Variants in CCL24 observed in about 807,000 individuals in gnomAD.
CCL24 encodes C-C motif chemokine 24.
In CCL24, 6 loss-of-function variants were observed where a neutral mutation model predicts 8.6. The ratio of observed to expected loss-of-function variants is 0.70; its 90% CI spans 0.38 to 1.38. The LOEUF is 1.38. Among genes scored for constraint, CCL24 ranks in the 40% most tolerant of loss-of-function variants. CCL24 has a pLI of 0.02. For missense variants in CCL24, 126 were observed against 147.1 expected (o/e 0.86, Z 0.74); for synonymous variants, 59 against 52.7 (o/e 1.12, Z -0.52).
chr7:75,820,074 TTCTTCTTCTTCTTCC>T (rs1431015387), intron 1 of CCL24, among the ~76,000 whole-genome samples: 5 of 139,014 alleles, frequency 3.6e-5, no homozygotes, highest in Non-Finnish European at 6.3e-5. Context: ...CTTCTTCTTC[TTCTTCTTCTTCTTCC>T]TCTTCTTCTT....
At chr7:75,812,756 C>T (rs1803795250) in intron 2 of CCL24, among the ~76,000 whole-genome samples, 1 of 151,926 alleles carries the variant, frequency 6.6e-6, no homozygotes, top group Non-Finnish European at 1.5e-5. Flanking sequence ...ATGGTGAAAC[C>T]CTGTCTCTCC....
chr7:75,817,013 C>T (rs146135340), upstream of CCL24, among the ~76,000 whole-genome samples: 13 of 152,120 alleles, frequency 8.5e-5, no homozygotes, highest in East Asian at 5.8e-4. Context: ...TACAGGTGCA[C>T]GCCACCATGC....
rs2115782450 is a variant in CCL24 at position 75,813,761 on chromosome 7, C to T, written c.-46G>A. On this transcript the variant is annotated 5_prime_UTR_variant, in exon 1 of 3. Coordinates refer to ENST00000222902, the MANE Select transcript of CCL24 (RefSeq NM_002991.3). ...CAGCTCGGGGCTCAAAGCTGACGTGCAGGAGGAAAGGACCTAGGGATAAAT... is the reference window on the plus strand; with the variant it reads ...CAGCTCGGGGCTCAAAGCTGACGTGTAGGAGGAAAGGACCTAGGGATAAAT... The T allele has an allele frequency of 6.6e-7, 1 of 1,524,832 alleles. No homozygotes were observed. The highest frequency in any genetic ancestry group is 1.4e-5 in the African/African-American group (1 of 73,210). 94.5% of individuals were successfully genotyped at this position (1,524,832 alleles called of 1,614,324 possible).
chr7:75,822,516 T>C (rs1359539060), intron 1 of CCL24, among the ~76,000 whole-genome samples: 3 of 152,130 alleles, frequency 2.0e-5, no homozygotes, highest in African/African-American at 7.2e-5. Context: ...TATCCTCTTA[T>C]TGTCCCCATG....
upstream of CCL24, among the ~76,000 whole-genome samples, chr7:75,816,864 A>C (rs1803903583): frequency 2.2e-5 from 2 of 89,210 alleles, no homozygotes. Context: ...ACCTGGCCAA[A>C]AAAAAAAAAA....
At chr7:75,812,539 A>G (rs1386581228) in intron 2 of CCL24, among the ~76,000 whole-genome samples, 1 of 152,188 alleles carries the variant, frequency 6.6e-6, no homozygotes, top group Non-Finnish European at 1.5e-5. Flanking sequence ...AAATGGGAAC[A>G]ATCATCGCTA....
chr7:75,818,908 C>T (rs1178870024), intron 1 of CCL24, among the ~76,000 whole-genome samples: 1 of 151,790 alleles, frequency 6.6e-6, no homozygotes, highest in Non-Finnish European at 1.5e-5. Flanking sequence ...TTGTTATGGT[C>T]ACCCTCTTTA....
In CCL24 at chr7:75,819,289, AAAAAAAAAAAAAAAATATATAT is replaced by A. The variant is rs1269313827; in HGVS notation, c.-60+4011_-60+4032del. Reference sequence around the variant, plus strand: ...GTCTCAAAAAAAAAAAAAAAAAAAAAAAAAAAAAAAAAAAATATATATATATATATATATATATATATATATA... The same window carrying A: ...GTCTCAAAAAAAAAAAAAAAAAAAAAATATATATATATATATATATATATA... On this transcript the variant is annotated intron_variant, in intron 1 of 3. Coordinates refer to the CCL24 transcript ENST00000416943. Among the ~76,000 whole-genome samples, 13 of 22,442 alleles carry A rather than the reference AAAAAAAAAAAAAAAATATATAT, an allele frequency of 5.8e-4. No homozygotes were observed. In the East Asian group the frequency reaches 0.01, roughly 18 times the overall value. The allele number at this position is 22,442 out of a possible 152,430, so 14.7% of individuals were successfully genotyped here.
chr7:75,820,015 ACTACTTCTTCTTCTTCTT>A (rs1803991182), intron 1 of CCL24, among the ~76,000 whole-genome samples: 9 of 84,468 alleles, frequency 1.1e-4, no homozygotes, highest in Middle Eastern at 9.1e-3. Context: ...CTTTTAGTAA[ACTACTTCTTCTTCTTCTT>A]CTTCTTCTTC....
chr7:75,815,046 G>C (rs1217548121), upstream of CCL24, among the ~76,000 whole-genome samples: 1 of 151,960 alleles, frequency 6.6e-6, no homozygotes, highest in East Asian at 1.9e-4. Context: ...GGAAACATAG[G>C]AGAAACCAGG....
chr7:75,819,967 T>C lies in CCL24; in HGVS notation c.-60+3355A>G, dbSNP rs115954725. On this transcript the variant is annotated intron_variant, in intron 1 of 3. Coordinates refer to the CCL24 transcript ENST00000416943. Reference sequence around the variant, plus strand: ...AGGCCACTTTTTACCCATGATCTCATGTGATTCTAGAATCCTAGAAAGTTA... The same window carrying C: ...AGGCCACTTTTTACCCATGATCTCACGTGATTCTAGAATCCTAGAAAGTTA... 5.0e-3 allele frequency among the ~76,000 whole-genome samples: 756 copies of C among 152,140 alleles called. 6 individuals are homozygous for C. The highest frequency in any genetic ancestry group is 0.017 in the African/African-American group (693 of 41,512).
upstream of CCL24, among the ~76,000 whole-genome samples, chr7:75,817,987 T>A (rs781878609): frequency 6.6e-6 from 1 of 151,858 alleles, no homozygotes; most frequent in Non-Finnish European, 1.5e-5. Flanking sequence ...CACACCACCA[T>A]GCCTGGCTAA....
upstream of CCL24, among the ~76,000 whole-genome samples, chr7:75,816,360 C>T (rs1803890861): frequency 6.6e-6 from 1 of 152,012 alleles, no homozygotes; most frequent in Non-Finnish European, 1.5e-5. Flanking sequence ...ATCTCACTGC[C>T]TATGCTTACA....
intron 1 of CCL24, among the ~76,000 whole-genome samples, chr7:75,820,638 C>A (rs1290674610): frequency 1.4e-5 from 2 of 141,806 alleles, no homozygotes; most frequent in Non-Finnish European, 3.1e-5. Flanking sequence ...CCCACCCACC[C>A]ATCTACCCAC....
At chr7:75,819,584 A>T (rs1039723715) in intron 1 of CCL24, among the ~76,000 whole-genome samples, 1 of 151,182 alleles carries the variant, frequency 6.6e-6, no homozygotes, top group Non-Finnish European at 1.5e-5. Context: ...GTAACATAAC[A>T]TATCCCCATC....
At chr7:75,814,723 C>T (rs1803851267), upstream of CCL24, among the ~76,000 whole-genome samples, 1 of 152,018 alleles carries the variant, frequency 6.6e-6, no homozygotes, top group Admixed American at 6.6e-5. Context: ...ACTTAGTCAC[C>T]AAGATTCTAG....
At chr7:75,821,555 T>G (rs1469944792) in intron 1 of CCL24, among the ~76,000 whole-genome samples, 2 of 152,108 alleles carry the variant, frequency 1.3e-5, no homozygotes, top group African/African-American at 4.8e-5. Flanking sequence ...AAAAACAGTC[T>G]GCAGGGGCTG....
At chr7:75,817,716 T>C (rs542032307), upstream of CCL24, among the ~76,000 whole-genome samples, 52 of 151,592 alleles carry the variant, frequency 3.4e-4, 1 homozygote, top group South Asian at 7.9e-3. Context: ...TCAGCCAGGC[T>C]GGTCACCAAC....
upstream of CCL24, among the ~76,000 whole-genome samples, chr7:75,816,444 C>G (rs1455580311): frequency 6.6e-6 from 1 of 152,178 alleles, no homozygotes; most frequent in Admixed American, 6.5e-5. Context: ...TTCACCTCCC[C>G]ATCAGCCAAC....
Sources: gnomAD v4.1 joint callset for allele counts (sites outside exome capture counted in the v4.1 genomes callset) on GRCh38, gnomAD v4.1.1 for gene constraint, MANE v1.5 for transcripts, NCBI Gene and HGNC (gene_info 2026-07-23, HGNC 2026-07-21) for gene names.